The following CCNY variants were observed in gnomAD, a reference collection of about 807,000 sequenced individuals.
CCNY encodes cyclin Y.
CCNY carries 19 observed loss-of-function variants against 42.8 expected under a neutral mutation model. The observed-to-expected ratio is 0.44, with a 90% CI of 0.31 to 0.65. CCNY has a LOEUF of 0.65. Among genes scored for constraint, CCNY ranks in the 30% least tolerant of loss-of-function variants. The pLI, the probability that CCNY is intolerant of heterozygous loss-of-function variation, is 0.07. For missense variants in CCNY, 370 were observed against 437.3 expected (o/e 0.85, Z 1.37); for synonymous variants, 165 against 162.7 (o/e 1.01, Z -0.11).
chr10:35,509,755 C>G (rs991346328), intron 3 of CCNY, among the ~76,000 whole-genome samples: 2 of 152,212 alleles, frequency 1.3e-5, no homozygotes, highest in Non-Finnish European at 2.9e-5. Flanking sequence ...TGGGCATCCC[C>G]CTGTGAGCAC....
intron 2 of CCNY, among the ~76,000 whole-genome samples, chr10:35,490,003 A>G (rs758623718): frequency 7.2e-5 from 11 of 152,106 alleles, no homozygotes; most frequent in Non-Finnish European, 1.6e-4. Flanking sequence ...CTGCTGCCCC[A>G]CCGCATTCTG....
At chr10:35,285,164 A>G (rs1339028651) in intron 3 of CCNY, among the ~76,000 whole-genome samples, 2 of 152,008 alleles carry the variant, frequency 1.3e-5, no homozygotes, top group African/African-American at 4.8e-5. Flanking sequence ...CTACAGGTGC[A>G]CACCACCTGT....
At position 35,535,007 on chromosome 10, in the gene CCNY, G is replaced by A. The variant is rs768362586; in HGVS notation, c.579+4764G>A. On this transcript the variant is annotated intron_variant, in intron 7 of 9. Transcript: ENST00000374704. Reference sequence around the variant, plus strand: ...TATATAGATCTATATATATGTGTGTGTGTGTGTGTGTGTGTGTGTGTGTGT... The same window carrying A: ...TATATAGATCTATATATATGTGTGTATGTGTGTGTGTGTGTGTGTGTGTGT... Among the ~76,000 whole-genome samples, 1,332 of 143,374 alleles carry A rather than the reference G, an allele frequency of 9.3e-3. 10 individuals are homozygous for A. Among genetic ancestry groups the A allele is most frequent in the Middle Eastern group, 0.018 (5 of 282 alleles). The allele number at this position is 143,374 out of a possible 152,430, so 94.1% of individuals were successfully genotyped here. A position where few individuals can be genotyped will look rare whatever the true frequency, so the allele number is the denominator to read the frequency against.
At chr10:35,523,727 A>G (rs1175170953) in intron 4 of CCNY, among the ~76,000 whole-genome samples, 2 of 152,200 alleles carry the variant, frequency 1.3e-5, no homozygotes, top group African/African-American at 2.4e-5. Context: ...TTTTCTTTTA[A>G]AAGTTAATAT....
At chr10:35,448,679 C>T (rs546670911) in intron 1 of CCNY, among the ~76,000 whole-genome samples, 68 of 151,816 alleles carry the variant, frequency 4.5e-4, no homozygotes, top group African/African-American at 1.5e-3. Flanking sequence ...AGTGGGCATG[C>T]GCCTGGTGGG....
intron 1 of CCNY, among the ~76,000 whole-genome samples, chr10:35,364,657 A>G (rs2135162532): frequency 6.6e-6 from 1 of 152,258 alleles, no homozygotes; most frequent in Non-Finnish European, 1.5e-5. Context: ...GCATTAATAT[A>G]TTTATTAGGC....
chr10:35,392,528 T>C (rs776684291), intron 1 of CCNY, among the ~76,000 whole-genome samples: 1 of 152,196 alleles, frequency 6.6e-6, no homozygotes, highest in African/African-American at 2.4e-5. Flanking sequence ...TTCAGAGGCA[T>C]TGGAATTAGA....
intron 3 of CCNY, among the ~76,000 whole-genome samples, chr10:35,313,282 A>C (rs1835711486): frequency 6.6e-6 from 1 of 152,206 alleles, no homozygotes; most frequent in African/African-American, 2.4e-5. Context: ...CATAGTATAT[A>C]CCATTTTCAC....
chr10:35,328,708 G>C (rs1381497697), intron 3 of CCNY, among the ~76,000 whole-genome samples: 1 of 133,286 alleles, frequency 7.5e-6, no homozygotes, highest in East Asian at 2.2e-4. Context: ...AGAAAAACAT[G>C]TTGAAGAGCT....
chr10:35,547,926 G>T (rs1841150844), intron 7 of CCNY, among the ~76,000 whole-genome samples: 1 of 152,126 alleles, frequency 6.6e-6, no homozygotes, highest in Admixed American at 6.5e-5. Context: ...GGTCAAGGTG[G>T]TCTTTCCCTG....
intron 1 of CCNY, among the ~76,000 whole-genome samples, chr10:35,429,060 TG>T (rs771268700): frequency 7.2e-5 from 11 of 152,246 alleles, no homozygotes; most frequent in Non-Finnish European, 1.3e-4. Context: ...TCAAAAATAA[TG>T]TGTTTCTAGT....
chr10:35,559,979 T>G (rs1564458597), intron 8 of CCNY, among the ~76,000 whole-genome samples: 1 of 152,088 alleles, frequency 6.6e-6, no homozygotes, highest in Non-Finnish European at 1.5e-5. Flanking sequence ...GTGACCTCTT[T>G]CTTTCTGAGT....
chr10:35,483,419 T>A lies in CCNY; in HGVS notation c.170T>A (p.Phe57Tyr). The change falls in exon 2 of 10, where the codon TTC becomes TAC. Residue 57 changes from phenylalanine (F) to tyrosine (Y), a missense_variant. Coordinates refer to ENST00000374704, the MANE Select transcript of CCNY (RefSeq NM_145012.6). ...RENIDDLNME[F>Y]NPSDHPRAST... The stretch of plus-strand genomic sequence containing the variant: ...TTCTTTAAAGATTTGAACATGGAAT[T>A]CAATCCTTCAGATCATCCTCGGGCC... 6.2e-7 allele frequency: 1 copy of A among 1,605,448 alleles called. No individual in the cohort carries two copies. The highest frequency in any genetic ancestry group is 2.2e-5 in the East Asian group (1 of 44,694).
At chr10:35,280,777 A>G (rs1011924471) in intron 3 of CCNY, among the ~76,000 whole-genome samples, 9 of 152,206 alleles carry the variant, frequency 5.9e-5, no homozygotes, top group African/African-American at 1.7e-4. Context: ...AAACATTTAC[A>G]CTTCAAAATA....
intron 1 of CCNY, among the ~76,000 whole-genome samples, chr10:35,417,729 C>A (rs1157781745): frequency 6.6e-6 from 1 of 152,162 alleles, no homozygotes; most frequent in Non-Finnish European, 1.5e-5. Flanking sequence ...CTTGCATATT[C>A]TAATAATAAT....
intron 1 of CCNY, among the ~76,000 whole-genome samples, chr10:35,362,826 G>C (rs1307051184): frequency 6.6e-6 from 1 of 151,286 alleles, no homozygotes; most frequent in African/African-American, 2.4e-5. Flanking sequence ...ATAGTTGGCG[G>C]GGGGGCCAGG....
chr10:35,390,800 GTAT>G (rs1009633022), intron 1 of CCNY, among the ~76,000 whole-genome samples: 2 of 152,108 alleles, frequency 1.3e-5, no homozygotes, highest in Non-Finnish European at 2.9e-5. Flanking sequence ...TGGAACTCCT[GTAT>G]TATTATTATT....
chr10:35,320,379 C>T (rs1258901533), intron 3 of CCNY, among the ~76,000 whole-genome samples: 1 of 152,188 alleles, frequency 6.6e-6, no homozygotes, highest in Non-Finnish European at 1.5e-5. Flanking sequence ...ATATGATTCT[C>T]TTATTAGATG....
chr10:35,330,921 G>A (rs541348560), intron 3 of CCNY, among the ~76,000 whole-genome samples: 2 of 152,188 alleles, frequency 1.3e-5, no homozygotes, highest in East Asian at 3.9e-4. Context: ...GGCCATGCCC[G>A]GCTAATTTTT....
Sources: gnomAD v4.1 joint callset for allele counts (sites outside exome capture counted in the v4.1 genomes callset) on GRCh38, gnomAD v4.1.1 for gene constraint, MANE v1.5 for transcripts, NCBI Gene and HGNC (gene_info 2026-07-23, HGNC 2026-07-21) for gene names.